Variants in SREK1IP1 observed in about 807,000 individuals in gnomAD.
The protein encoded by SREK1IP1 is SREK1 interacting protein 1.
A neutral mutation model predicts 22.8 loss-of-function variants in SREK1IP1; 12 were observed. That is an observed-to-expected ratio of 0.53 (90% CI 0.34 to 0.85). The LOEUF is 0.85. Ranked by LOEUF, SREK1IP1 falls within the 40% of genes least tolerant of loss-of-function variation. The pLI, the probability that SREK1IP1 is intolerant of heterozygous loss-of-function variation, is 0.02. For synonymous variants in SREK1IP1, 53 were observed against 52.7 expected (o/e 1.01, Z -0.02); for missense variants, 147 against 171.8 (o/e 0.86, Z 0.81).
In SREK1IP1 at chr5:64,737,577, GA is replaced by G. The variant is rs147783484; in HGVS notation, c.205+3479del. Among the ~76,000 whole-genome samples, 111 of 110,512 alleles carry G rather than the reference GA, an allele frequency of 1.0e-3. 1 individual carries two copies. The highest frequency in any genetic ancestry group is 7.9e-3 in the East Asian group (30 of 3,812). 72.5% of individuals were successfully genotyped at this position (110,512 alleles called of 152,430 possible). A position where few individuals can be genotyped will look rare whatever the true frequency, so the allele number is the denominator to read the frequency against. ...CAAACATTATACCTTTAAGAAACTAGAAAAAAAAAACACAATAAATGAAATA... is the reference window on the plus strand; with the variant it reads ...CAAACATTATACCTTTAAGAAACTAGAAAAAAAAACACAATAAATGAAATA... On this transcript the variant is annotated intron_variant, in intron 3 of 4. Coordinates refer to ENST00000513458, the MANE Select transcript of SREK1IP1 (RefSeq NM_173829.4).
At chr5:64,735,900 C>T (rs1742453947) in intron 3 of SREK1IP1, among the ~76,000 whole-genome samples, 1 of 152,002 alleles carries the variant, frequency 6.6e-6, no homozygotes, top group Non-Finnish European at 1.5e-5. Flanking sequence ...CTTCTGCTTA[C>T]TGTGGGTTTA....
In SREK1IP1 at chr5:64,722,797, T is replaced by C. The variant is rs1007265157; in HGVS notation, c.*1587A>G. 3 of 152,208 alleles carry C rather than the reference T, an allele frequency of 2.0e-5. No individual in the cohort carries two copies. Among genetic ancestry groups the C allele is most frequent in the Non-Finnish European group, 4.4e-5 (3 of 68,026 alleles). 9.4% of individuals were successfully genotyped at this position (152,208 alleles called of 1,614,324 possible). ...TGGCTGCAATGCAGAGGGCTGTGGA[T>C]ACAGCTTCCCTAGAATTTAAGCATG... On this transcript the variant is annotated 3_prime_UTR_variant, in exon 5 of 5. Coordinates refer to ENST00000513458, the MANE Select transcript of SREK1IP1 (RefSeq NM_173829.4).
chr5:64,755,905 A>C (rs887436525), intron 1 of SREK1IP1, among the ~76,000 whole-genome samples: 5 of 151,948 alleles, frequency 3.3e-5, no homozygotes, highest in African/African-American at 1.2e-4. Context: ...TTTCCATTAG[A>C]AGGAAAAAAT....
chr5:64,724,670 G>T, intron 4 of SREK1IP1, 97 bp from the exon 5 acceptor site: 2 of 937,190 alleles, frequency 2.1e-6, no homozygotes, highest in South Asian at 2.6e-5. Context: ...CTTGGAGTAA[G>T]GTAGGGAGTA....
chr5:64,734,051 G>C (rs1359876253), intron 3 of SREK1IP1, among the ~76,000 whole-genome samples: 1 of 152,040 alleles, frequency 6.6e-6, no homozygotes, highest in Non-Finnish European at 1.5e-5. Context: ...TGTGTAGACT[G>C]TATCAAAGAC....
chr5:64,767,118 T>C (rs1261448111), intron 1 of SREK1IP1, among the ~76,000 whole-genome samples: 1 of 152,124 alleles, frequency 6.6e-6, no homozygotes, highest in Non-Finnish European at 1.5e-5. Context: ...CATCTTTCAT[T>C]TCCTCTTTTC....
At chr5:64,754,169 G>T in intron 2 of SREK1IP1, 146 bp downstream of exon 2, 1 of 689,476 alleles carries the variant, frequency 1.5e-6, no homozygotes, top group South Asian at 2.2e-5. Context: ...AGTGCTAACA[G>T]AGGAATTTCT....
chr5:64,728,157 C>A lies in SREK1IP1; in HGVS notation c.228G>T (p.Lys76Asn). ...QEKRINEEEEKKKEKSKEKIK... is the reference protein window; with the variant it reads ...QEKRINEEEENKKEKSKEKIK... ...TTTTTTCTTTGCTTTTTTCTTTCTTCTTTTCCTCTTCTTCATTTATTCCTG... is the reference window on the plus strand; with the variant it reads ...TTTTTTCTTTGCTTTTTTCTTTCTTATTTTCCTCTTCTTCATTTATTCCTG... The change falls in exon 4 of 5, where the codon AAG (lysine) becomes AAT (asparagine). Residue 76 changes from lysine (K) to asparagine (N), a missense_variant. By Grantham distance (94) the Lys-to-Asn change is moderately conservative (BLOSUM62 0). Coordinates refer to ENST00000513458, the MANE Select transcript of SREK1IP1 (RefSeq NM_173829.4). 10 of 1,325,840 alleles carry A rather than the reference C, an allele frequency of 7.5e-6. No homozygotes were observed. The East Asian group carries it at 9.4e-5, about 13-fold the overall frequency. The allele number at this position is 1,325,840 out of a possible 1,614,324, so 82.1% of individuals were successfully genotyped here.
chr5:64,750,602 A>C (rs985658748), intron 2 of SREK1IP1, among the ~76,000 whole-genome samples: 10 of 152,128 alleles, frequency 6.6e-5, no homozygotes, highest in African/African-American at 2.4e-4. Context: ...TGACTTTCTC[A>C]AACTGGTACC....
intron 1 of SREK1IP1, 68 bp from the exon 2 acceptor site, chr5:64,754,430 T>C: frequency 6.8e-7 from 1 of 1,472,234 alleles, no homozygotes; most frequent in East Asian, 2.3e-5. Flanking sequence ...CTTTATTGTA[T>C]GAAAAAAGCT....
At chr5:64,726,832 G>T (rs779995471) in intron 4 of SREK1IP1, among the ~76,000 whole-genome samples, 12 of 152,124 alleles carry the variant, frequency 7.9e-5, no homozygotes, top group Non-Finnish European at 1.3e-4. Flanking sequence ...TCCTGAAAGT[G>T]AAAAATAGAA....
intron 1 of SREK1IP1, among the ~76,000 whole-genome samples, chr5:64,767,625 A>G (rs1743066254): frequency 6.6e-6 from 1 of 152,234 alleles, no homozygotes; most frequent in Admixed American, 6.5e-5. Flanking sequence ...AAACAAAGTT[A>G]GGGTTCTGAA....
chr5:64,754,795 A>G, intron 1 of SREK1IP1: 1 of 154,738 alleles, frequency 6.5e-6, no homozygotes, highest in Non-Finnish European at 1.4e-5. Context: ...AACAACAAAA[A>G]ATCATCTCTG....
intron 2 of SREK1IP1, 143 bp downstream of exon 2, chr5:64,754,172 G>A (rs1033186866): frequency 1.4e-6 from 1 of 700,054 alleles, no homozygotes; most frequent in African/African-American, 1.8e-5. Flanking sequence ...GCTAACAGAG[G>A]AATTTCTGTA....
At chr5:64,742,626 A>C (rs569362102) in intron 2 of SREK1IP1, among the ~76,000 whole-genome samples, 1 of 152,260 alleles carries the variant, frequency 6.6e-6, no homozygotes, top group Non-Finnish European at 1.5e-5. Context: ...AGACTCTCTA[A>C]ATAGAGTTCC....
At chr5:64,739,010 A>G (rs2112095452) in intron 3 of SREK1IP1, among the ~76,000 whole-genome samples, 1 of 152,274 alleles carries the variant, frequency 6.6e-6, no homozygotes, top group African/African-American at 2.4e-5. Flanking sequence ...GATCTTTGAC[A>G]GATGACCTGT....
intron 1 of SREK1IP1, among the ~76,000 whole-genome samples, chr5:64,767,518 GCA>G (rs1322834043): frequency 6.6e-6 from 1 of 152,164 alleles, no homozygotes; most frequent in Non-Finnish European, 1.5e-5. Flanking sequence ...TAGTACAAAA[GCA>G]CAGTGTTCCA....
chr5:64,730,668 A>C (rs976417999), intron 3 of SREK1IP1, among the ~76,000 whole-genome samples: 1 of 152,146 alleles, frequency 6.6e-6, no homozygotes, highest in African/African-American at 2.4e-5. Flanking sequence ...CTATTTTGTC[A>C]ATGAAAGAGG....
At chr5:64,740,392 T>C (rs1424153480) in intron 3 of SREK1IP1, among the ~76,000 whole-genome samples, 3 of 152,182 alleles carry the variant, frequency 2.0e-5, no homozygotes, top group Admixed American at 2.0e-4. Context: ...TTATGGGGCA[T>C]AGCTCCCTGG....
Sources: allele counts gnomAD v4.1 joint callset (sites outside exome capture counted in the v4.1 genomes callset), GRCh38; gene constraint gnomAD v4.1.1; transcripts MANE v1.5; gene names NCBI Gene and HGNC (gene_info 2026-07-23, HGNC 2026-07-21).